The following PALM2AKAP2 variants were observed in gnomAD, a reference collection of about 807,000 sequenced individuals.
PALM2AKAP2 encodes the protein PALM2 and AKAP2 fusion.
PALM2AKAP2 carries 37 observed loss-of-function variants against 71.5 expected under a neutral mutation model. The observed-to-expected ratio is 0.52, with a 90% CI of 0.40 to 0.68. The LOEUF (loss-of-function observed/expected upper bound fraction) is 0.68. Among genes scored for constraint, PALM2AKAP2 ranks in the 30% least tolerant of loss-of-function variants. The pLI, the probability that PALM2AKAP2 is intolerant of heterozygous loss-of-function variation, is 0.00. For missense variants in PALM2AKAP2, 1,224 were observed against 1,191.8 expected (o/e 1.03, Z -0.40); for synonymous variants, 468 against 478.8 (o/e 0.98, Z 0.29).
At chr9:109,967,584 A>G (rs1831978685) in intron 6 of PALM2AKAP2, among the ~76,000 whole-genome samples, 2 of 152,000 alleles carry the variant, frequency 1.3e-5, no homozygotes, top group Admixed American at 6.5e-5. Context: ...TAATTTTTGT[A>G]TTTTTAGTGG....
intron 1 of PALM2AKAP2, among the ~76,000 whole-genome samples, chr9:109,713,650 A>T (rs1828274110): frequency 6.6e-6 from 1 of 152,210 alleles, no homozygotes; most frequent in Non-Finnish European, 1.5e-5. Flanking sequence ...ATTAGCAAGC[A>T]GATCTGAAGA....
intron 2 of PALM2AKAP2, among the ~76,000 whole-genome samples, chr9:110,144,314 G>A (rs1212175396): frequency 6.6e-6 from 1 of 152,234 alleles, no homozygotes; most frequent in Non-Finnish European, 1.5e-5. Context: ...TGTGAAGCTA[G>A]CTAAAGCTTA....
At chr9:109,710,526 A>G (rs1828216651) in intron 1 of PALM2AKAP2, among the ~76,000 whole-genome samples, 2 of 152,242 alleles carry the variant, frequency 1.3e-5, no homozygotes, top group South Asian at 4.1e-4. Flanking sequence ...GCAAGTTAGT[A>G]TGATGTTGAG....
At chr9:110,080,945 T>G (rs894742864) in intron 1 of PALM2AKAP2, among the ~76,000 whole-genome samples, 1 of 152,238 alleles carries the variant, frequency 6.6e-6, no homozygotes, top group Non-Finnish European at 1.5e-5. Flanking sequence ...CCTCCCAAAG[T>G]GCTGGGATTA....
intron 1 of PALM2AKAP2, among the ~76,000 whole-genome samples, chr9:110,089,913 T>G (rs1834666221): frequency 6.6e-6 from 1 of 152,144 alleles, no homozygotes. Context: ...CTTTAAAAGA[T>G]GAAAACTAAA....
chr9:109,780,395 G>A (rs927469233), upstream of PALM2AKAP2: 4 of 1,607,712 alleles, frequency 2.5e-6, no homozygotes, highest in Admixed American at 6.7e-5. Context: ...CCGGGTTCTA[G>A]CAAAGCCCCC....
intron 1 of PALM2AKAP2, 51 bp downstream of exon 1, chr9:109,780,584 G>C: frequency 6.2e-7 from 1 of 1,611,720 alleles, no homozygotes; most frequent in Non-Finnish European, 8.5e-7. Context: ...GGGTGGAAGG[G>C]GGCCCCCGAG....
rs145177578 is a variant in PALM2AKAP2, at chr9:110,020,728, G to T, written c.582+4689G>T. ...CCCTCTCTTCTTCATAAATTACCCA[G>T]TCTCAGGTAACTCTTTACAGCAGTG... is the stretch of plus-strand genomic sequence containing the variant. On this transcript the variant is annotated intron_variant, in intron 7 of 9. Coordinates refer to the PALM2AKAP2 transcript ENST00000302798. Among the ~76,000 whole-genome samples, 32 of 151,986 alleles carry T rather than the reference G, an allele frequency of 2.1e-4. 1 individual carries two copies. The highest frequency in any genetic ancestry group is 7.9e-4 in the Admixed American group (12 of 15,232).
chr9:109,807,196 G>C (rs1338948344), intron 1 of PALM2AKAP2, among the ~76,000 whole-genome samples: 4 of 152,178 alleles, frequency 2.6e-5, no homozygotes, highest in Admixed American at 1.3e-4. Context: ...TAAGCAACTA[G>C]AAGGATGGAG....
intron 1 of PALM2AKAP2, among the ~76,000 whole-genome samples, chr9:110,102,793 C>A (rs1025077011): frequency 4.6e-5 from 7 of 152,192 alleles, no homozygotes; most frequent in Non-Finnish European, 7.3e-5. Context: ...AAGACCCAAA[C>A]CTACATGATC....
At chr9:109,662,619 T>A (rs1027655220) in intron 1 of PALM2AKAP2, among the ~76,000 whole-genome samples, 3 of 139,826 alleles carry the variant, frequency 2.1e-5, no homozygotes, top group African/African-American at 8.8e-5. Context: ...GATATTGGTC[T>A]AAAATTCTCT....
intron 6 of PALM2AKAP2, among the ~76,000 whole-genome samples, chr9:109,992,623 C>T (rs1445832281): frequency 2.6e-5 from 4 of 152,082 alleles, no homozygotes; most frequent in South Asian, 2.1e-4. Context: ...GAACACAATT[C>T]AATCCATAAC....
At chr9:109,950,011 G>A (rs1023583606) in intron 6 of PALM2AKAP2, among the ~76,000 whole-genome samples, 2 of 152,298 alleles carry the variant, frequency 1.3e-5, no homozygotes, top group South Asian at 2.1e-4. Context: ...GGGGCCAGAC[G>A]AGGTGGCTTA....
chr9:109,744,540 A>G (rs78905251), intron 1 of PALM2AKAP2, among the ~76,000 whole-genome samples: 6,496 of 152,226 alleles, frequency 0.043, 188 homozygotes, highest in Non-Finnish European at 0.053. Context: ...AGACGTGACT[A>G]TTTTATGATT....
At chr9:110,070,248 G>A (rs529804354) in intron 1 of PALM2AKAP2, among the ~76,000 whole-genome samples, 2 of 152,298 alleles carry the variant, frequency 1.3e-5, no homozygotes, top group East Asian at 1.9e-4. Context: ...GAGAAGCTAC[G>A]GGAATGGTTC....
intron 1 of PALM2AKAP2, among the ~76,000 whole-genome samples, chr9:109,789,204 C>T (rs1438066601): frequency 2.0e-5 from 3 of 152,146 alleles, no homozygotes; most frequent in Admixed American, 1.3e-4. Flanking sequence ...AGATATCCAG[C>T]AACACCATGA....
intron 6 of PALM2AKAP2, among the ~76,000 whole-genome samples, chr9:110,004,395 A>T (rs567712839): frequency 8.0e-4 from 122 of 152,318 alleles, no homozygotes; most frequent in Admixed American, 6.5e-3. Flanking sequence ...CTGCTGAGAG[A>T]TCAACTGTTA....
intron 1 of PALM2AKAP2, among the ~76,000 whole-genome samples, chr9:110,110,762 G>A (rs891900484): frequency 1.3e-5 from 2 of 151,896 alleles, no homozygotes; most frequent in Non-Finnish European, 2.9e-5. Context: ...GGCAAGGCTA[G>A]TCTCAAACTC....
At chr9:109,937,178 C>G (rs1159294636) in intron 6 of PALM2AKAP2, among the ~76,000 whole-genome samples, 2 of 152,170 alleles carry the variant, frequency 1.3e-5, no homozygotes, top group Non-Finnish European at 1.5e-5. Context: ...CAAACATTCT[C>G]TGCTCCTCAG....
Sources: gnomAD v4.1 joint callset for allele counts (sites outside exome capture counted in the v4.1 genomes callset) on GRCh38, gnomAD v4.1.1 for gene constraint, MANE v1.5 for transcripts, NCBI Gene and HGNC (gene_info 2026-07-23, HGNC 2026-07-21) for gene names.